IL1RAPL2: variants seen among roughly 807,000 people sequenced by gnomAD.
IL1RAPL2 encodes the protein X-linked interleukin-1 receptor accessory protein-like 2.
A neutral mutation model predicts 44.1 loss-of-function variants in IL1RAPL2; 3 were observed. That is an observed-to-expected ratio of 0.07 (90% CI 0.03 to 0.18). IL1RAPL2 has a LOEUF of 0.18. Among genes scored for constraint, IL1RAPL2 ranks in the 10% least tolerant of loss-of-function variants. The pLI is 1.00. For synonymous variants in IL1RAPL2, 181 were observed against 178.8 expected, an observed-to-expected ratio of 1.01 and a Z score of -0.10; for missense variants, 391 against 496.4, an observed-to-expected ratio of 0.79 and a Z score of 2.02.
intron 2 of IL1RAPL2, among the ~76,000 whole-genome samples, chrX:105,146,813 G>T (rs763775102): frequency 8.1e-5 from 9 of 111,679 alleles, no homozygotes; most frequent in Non-Finnish European, 1.7e-4. Flanking sequence ...GTTTTTAAAG[G>T]TTGGGAGGCA....
chrX:104,729,139 A>T (rs954729648), intron 2 of IL1RAPL2, among the ~76,000 whole-genome samples: 16 of 111,611 alleles, frequency 1.4e-4, no homozygotes, highest in African/African-American at 4.6e-4. Context: ...AGCAGGAAGG[A>T]GAAAAAAAGA....
chrX:105,503,377 A>T (rs997700842), intron 6 of IL1RAPL2, among the ~76,000 whole-genome samples: 3 of 111,442 alleles, frequency 2.7e-5, no homozygotes, highest in African/African-American at 9.8e-5. Flanking sequence ...TAATCAGTGA[A>T]TGGCTACCAC....
At chrX:105,012,635 TCTCTCTCTCTCA>T (rs1233019138) in intron 2 of IL1RAPL2, among the ~76,000 whole-genome samples, 1 of 73,314 alleles carries the variant, frequency 1.4e-5, no homozygotes, top group African/African-American at 6.6e-5. Context: ...TCTCTCTCTC[TCTCTCTCTCTCA>T]CACACACACA....
In IL1RAPL2 at chrX:104,763,841, T is replaced by C. The variant is rs377714415; in HGVS notation, c.82+104846T>C. Among the ~76,000 whole-genome samples the C allele has an allele frequency of 6.3e-5, 7 of 111,480 alleles. No individual in the cohort carries two copies. In the East Asian group the frequency reaches 2.0e-3, roughly 32 times the overall value. On this transcript the variant is annotated intron_variant, in intron 2 of 10. Coordinates refer to ENST00000372582, the MANE Select transcript of IL1RAPL2 (RefSeq NM_017416.2). ...CATGACACGTGGGGATTATGAGAAC[T>C]ACAATTCAAGATGAGATTTGAGTGG...
chrX:105,017,606 C>A (rs1461534895), intron 2 of IL1RAPL2, among the ~76,000 whole-genome samples: 1 of 110,466 alleles, frequency 9.1e-6, no homozygotes, highest in African/African-American at 3.3e-5. Flanking sequence ...CAAAACCTTT[C>A]AGTGTACAAT....
chrX:105,384,070 T>C (rs2035457995), intron 5 of IL1RAPL2, among the ~76,000 whole-genome samples: 1 of 111,519 alleles, frequency 9.0e-6, no homozygotes, highest in Non-Finnish European at 1.9e-5. Context: ...TCTCTTTACA[T>C]TGTCAATTGT....
intron 2 of IL1RAPL2, among the ~76,000 whole-genome samples, chrX:105,022,961 T>C (rs779688140): frequency 1.2e-3 from 137 of 110,978 alleles, no homozygotes; most frequent in African/African-American, 4.1e-3. Flanking sequence ...AGCAGAGATG[T>C]ATATACATGA....
chrX:105,767,252 A>T lies in IL1RAPL2; in HGVS notation c.1652A>T (p.His551Leu). 8.3e-7 allele frequency: 1 copy of T among 1,211,987 alleles called. No homozygotes were observed. ...AAATTAAATTCTAAGTTTTGGAAGC[A>T]CTTAGTATATGAAATGCCCATCAAG... ...SSKLNSKFWK[H>L]LVYEMPIKKK... is the part of the protein sequence containing the mutation. The change falls in exon 11 of 11, where the codon CAC (histidine) becomes CTC (leucine). Residue 551 changes from histidine (H) to leucine (L), a missense_variant. Transcript: ENST00000372582.
intron 2 of IL1RAPL2, among the ~76,000 whole-genome samples, chrX:105,111,982 T>C (rs2032805880): frequency 8.9e-6 from 1 of 111,951 alleles, no homozygotes; most frequent in African/African-American, 3.2e-5. Context: ...ATCAGAATTA[T>C]CCAGAGCTTT....
intron 2 of IL1RAPL2, among the ~76,000 whole-genome samples, chrX:105,128,459 T>C (rs950412875): frequency 9.0e-6 from 1 of 111,332 alleles, no homozygotes; most frequent in Non-Finnish European, 1.9e-5. Flanking sequence ...TTTACACAAG[T>C]GAAATTATGC....
At chrX:104,815,545 T>G (rs1357513516) in intron 2 of IL1RAPL2, among the ~76,000 whole-genome samples, 1 of 111,756 alleles carries the variant, frequency 8.9e-6, no homozygotes, top group Non-Finnish European at 1.9e-5. Flanking sequence ...AATTTGTAAA[T>G]TTTATGAGAG....
chrX:105,247,184 A>G (rs775721109), intron 4 of IL1RAPL2, among the ~76,000 whole-genome samples: 1 of 111,273 alleles, frequency 9.0e-6, no homozygotes, highest in Non-Finnish European at 1.9e-5. Flanking sequence ...GAGTCTGCTT[A>G]TTGGTGGTTG....
At chrX:105,078,549 C>G (rs1341685550) in intron 2 of IL1RAPL2, among the ~76,000 whole-genome samples, 2 of 112,379 alleles carry the variant, frequency 1.8e-5, no homozygotes, top group African/African-American at 3.2e-5. Flanking sequence ...AACCACTACT[C>G]TCTTCAAAGC....
intron 5 of IL1RAPL2, among the ~76,000 whole-genome samples, chrX:105,399,011 T>C (rs2035586174): frequency 2.7e-5 from 3 of 112,054 alleles, no homozygotes; most frequent in Admixed American, 1.9e-4. Context: ...AATGGGTTCT[T>C]GTCTAAGTCT....
intron 2 of IL1RAPL2, among the ~76,000 whole-genome samples, chrX:104,705,773 A>G (rs1468142146): frequency 1.8e-5 from 2 of 111,505 alleles, no homozygotes; most frequent in African/African-American, 6.5e-5. Context: ...GGAAAGTTCA[A>G]GCCTCTGTAG....
chrX:104,581,863 A>G (rs1317484199), intron 1 of IL1RAPL2, among the ~76,000 whole-genome samples: 1 of 110,738 alleles, frequency 9.0e-6, no homozygotes, highest in African/African-American at 3.3e-5. Flanking sequence ...TTTTTCTTTC[A>G]GAAAAAAAAT....
intron 2 of IL1RAPL2, among the ~76,000 whole-genome samples, chrX:104,764,957 T>G (rs924570657): frequency 8.9e-6 from 1 of 112,126 alleles, no homozygotes; most frequent in African/African-American, 3.2e-5. Context: ...TTCAGTTTGA[T>G]AGTATTCTGT....
intron 2 of IL1RAPL2, among the ~76,000 whole-genome samples, chrX:104,756,019 A>G (rs1255737103): frequency 9.0e-6 from 1 of 111,597 alleles, no homozygotes; most frequent in Non-Finnish European, 1.9e-5. Flanking sequence ...TATACTATGC[A>G]AGAGTCATGT....
intron 1 of IL1RAPL2, among the ~76,000 whole-genome samples, chrX:104,577,473 C>T (rs1181155227): frequency 1.8e-5 from 2 of 110,457 alleles, no homozygotes; most frequent in Non-Finnish European, 3.8e-5. Flanking sequence ...ATCACAGGGA[C>T]AAAAGAATGA....
Sources: allele counts gnomAD v4.1 joint callset (sites outside exome capture counted in the v4.1 genomes callset), GRCh38; gene constraint gnomAD v4.1.1; transcripts MANE v1.5; gene names NCBI Gene and HGNC (gene_info 2026-07-23, HGNC 2026-07-21).